AFF2: variants seen among roughly 807,000 people sequenced by gnomAD.
AFF2 encodes AF4/FMR2 family member 2.
A neutral mutation model predicts 76.9 loss-of-function variants in AFF2; 14 were observed. The ratio of observed to expected loss-of-function variants is 0.18; its 90% CI spans 0.12 to 0.28. The LOEUF (loss-of-function observed/expected upper bound fraction) is 0.28, where lower values mean the gene tolerates loss of function less well. AFF2 is among the 10% of genes least tolerant of loss of function. AFF2 has a pLI of 1.00. For missense variants in AFF2, 868 were observed against 1,001.1 expected (o/e 0.87, Z 1.79); for synonymous variants, 398 against 366.7 (o/e 1.09, Z -0.98).
chrX:148,531,911 A>T (rs868928551), intron 1 of AFF2, among the ~76,000 whole-genome samples: 4 of 110,586 alleles, frequency 3.6e-5, no homozygotes, highest in African/African-American at 1.3e-4. Flanking sequence ...TTTTTTTTAA[A>T]AAAAAAGCAA....
chrX:148,519,316 C>G (rs1168533159), intron 1 of AFF2, among the ~76,000 whole-genome samples: 1 of 112,233 alleles, frequency 8.9e-6, no homozygotes, highest in Non-Finnish European at 1.9e-5. Context: ...CTCTTATCTA[C>G]TCACTTTCTG....
At chrX:148,802,178 A>T (rs1424015344) in intron 3 of AFF2, among the ~76,000 whole-genome samples, 2 of 112,451 alleles carry the variant, frequency 1.8e-5, no homozygotes, top group African/African-American at 6.5e-5. Context: ...AAATACATAA[A>T]ATAGGAAAGA....
chrX:148,706,221 T>C (rs1241510548), intron 3 of AFF2, among the ~76,000 whole-genome samples: 6 of 112,229 alleles, frequency 5.3e-5, no homozygotes, highest in African/African-American at 1.9e-4. Flanking sequence ...GGTGAGTGCT[T>C]CTGGTAGCCA....
intron 1 of AFF2, among the ~76,000 whole-genome samples, chrX:148,601,159 A>G (rs1431012471): frequency 1.8e-5 from 2 of 112,524 alleles, no homozygotes; most frequent in African/African-American, 3.2e-5. Flanking sequence ...ACTAATTTCA[A>G]TTATAGATGT....
At chrX:148,581,606 G>A (rs868971501) in intron 1 of AFF2, among the ~76,000 whole-genome samples, 3 of 95,393 alleles carry the variant, frequency 3.1e-5, no homozygotes, top group Non-Finnish European at 4.2e-5. Context: ...ACGTATACGT[G>A]TACACACATA....
chrX:148,761,084 G>A (rs963255319), intron 3 of AFF2, among the ~76,000 whole-genome samples: 1 of 111,407 alleles, frequency 9.0e-6, no homozygotes, highest in African/African-American at 3.3e-5. Context: ...TATGTAAAAT[G>A]AACTTTATAT....
intron 4 of AFF2, among the ~76,000 whole-genome samples, chrX:148,828,369 A>G (rs111406738): frequency 2.7e-5 from 3 of 111,894 alleles, no homozygotes; most frequent in African/African-American, 9.7e-5. Flanking sequence ...ACACTTTCTC[A>G]GTGGCCAGTT....
rs182060828 is a variant in AFF2 at position 148,698,158 on chromosome X, A to G, written c.1041+35390A>G. On this transcript the variant is annotated intron_variant, in intron 3 of 20. Transcript: ENST00000370460. Reference sequence around the variant, plus strand: ...TTTGACTAAAGTCAGTCCTGATTTCATTTAAAAAATTGTGTTAACCTTTGG... The same window carrying G: ...TTTGACTAAAGTCAGTCCTGATTTCGTTTAAAAAATTGTGTTAACCTTTGG... 5.6e-3 allele frequency among the ~76,000 whole-genome samples: 635 copies of G among 112,411 alleles called. 2 individuals are homozygous for G. Among genetic ancestry groups the G allele is most frequent in the Non-Finnish European group, 8.9e-3 (474 of 53,266 alleles).
intron 3 of AFF2, among the ~76,000 whole-genome samples, chrX:148,715,188 C>T (rs1478387549): frequency 3.6e-5 from 4 of 111,138 alleles, no homozygotes; most frequent in Non-Finnish European, 7.5e-5. Flanking sequence ...AGGGAAAGGA[C>T]ACATTATGTT....
chrX:148,885,282 T>C (rs186774550), intron 7 of AFF2, among the ~76,000 whole-genome samples: 1 of 111,930 alleles, frequency 8.9e-6, no homozygotes, highest in African/African-American at 3.2e-5. Flanking sequence ...ATCCACATCA[T>C]GGGCTTACAT....
rs2072593336 is a variant in AFF2, at chrX:148,995,917, G to A, written c.*4585G>A. On this transcript the variant is annotated 3_prime_UTR_variant, in exon 21 of 21. Transcript: ENST00000370460. ...GCAGACCAGCTGTGGGAAGCCTCCTGAAGAATGCCCCAGCTGATGCTTTCA... is the reference window on the plus strand; with the variant it reads ...GCAGACCAGCTGTGGGAAGCCTCCTAAAGAATGCCCCAGCTGATGCTTTCA... 1 of 112,710 alleles carries A rather than the reference G, an allele frequency of 8.9e-6. No individual in the cohort carries two copies. The highest frequency in any genetic ancestry group is 9.4e-5 in the Admixed American group (1 of 10,694). 9.3% of individuals were successfully genotyped at this position (112,710 alleles called of 1,213,427 possible).
chrX:148,662,968 A>G (rs1478835675), intron 3 of AFF2, among the ~76,000 whole-genome samples, 200 bp downstream of exon 3: 1 of 112,154 alleles, frequency 8.9e-6, no homozygotes, highest in African/African-American at 3.2e-5. Context: ...TTAAATCTCA[A>G]TAATTTGGAA....
intron 3 of AFF2, among the ~76,000 whole-genome samples, chrX:148,771,209 G>A: frequency 8.9e-6 from 1 of 111,825 alleles, no homozygotes; most frequent in Non-Finnish European, 1.9e-5. Context: ...CCTATCATAA[G>A]CCTTAGTCGT....
At chrX:148,763,688 C>T (rs782564966) in intron 3 of AFF2, among the ~76,000 whole-genome samples, 114 of 111,663 alleles carry the variant, frequency 1.0e-3, no homozygotes, top group Non-Finnish European at 1.6e-3. Context: ...AGAAATCCAC[C>T]TGATTATTTT....
intron 3 of AFF2, 95 bp from the exon 4 acceptor site, chrX:148,809,781 G>C: frequency 1.1e-6 from 1 of 889,485 alleles, no homozygotes; most frequent in Non-Finnish European, 1.6e-6. Context: ...ATGATAGCTA[G>C]ATTTTCTTGC....
intron 3 of AFF2, among the ~76,000 whole-genome samples, chrX:148,784,382 G>T (rs1433835551): frequency 2.7e-5 from 3 of 111,943 alleles, no homozygotes; most frequent in Non-Finnish European, 5.6e-5. Context: ...AGGAAAAGCT[G>T]CAGGGAGCCA....
chrX:148,674,778 A>C (rs951710084), intron 3 of AFF2, among the ~76,000 whole-genome samples: 1 of 112,184 alleles, frequency 8.9e-6, no homozygotes, highest in African/African-American at 3.2e-5. Context: ...CAGCCCTATT[A>C]TTTTATCTAA....
chrX:148,815,310 A>T (rs1603305633), intron 4 of AFF2, among the ~76,000 whole-genome samples: 1 of 111,940 alleles, frequency 8.9e-6, no homozygotes, highest in East Asian at 2.8e-4. Context: ...TAAATTTGTC[A>T]GCAGGTGAAA....
intron 1 of AFF2, among the ~76,000 whole-genome samples, chrX:148,602,202 G>A (rs997178851): frequency 1.8e-5 from 2 of 111,621 alleles, no homozygotes; most frequent in Non-Finnish European, 3.8e-5. Context: ...TGGCAAGTTG[G>A]AGAAAGAGAA....
Sources: gnomAD v4.1 joint callset for allele counts (sites outside exome capture counted in the v4.1 genomes callset) on GRCh38, gnomAD v4.1.1 for gene constraint, MANE v1.5 for transcripts, NCBI Gene and HGNC (gene_info 2026-07-23, HGNC 2026-07-21) for gene names.